ZCCHC24: variants seen among roughly 807,000 people sequenced by gnomAD.
The protein encoded by ZCCHC24 is zinc finger CCHC-type containing 24.
ZCCHC24 carries 10 observed loss-of-function variants against 26.2 expected under a neutral mutation model. The observed-to-expected ratio is 0.38, with a 90% CI of 0.24 to 0.65. The LOEUF is 0.65. Among genes scored for constraint, ZCCHC24 ranks in the 30% least tolerant of loss-of-function variants. The probability of loss-of-function intolerance (pLI) is 0.54; values close to 1 mark genes in which losing one functional copy is unlikely to be tolerated. For synonymous variants in ZCCHC24, 144 were observed against 147.1 expected (o/e 0.98, Z 0.15); for missense variants, 243 against 329.1 (o/e 0.74, Z 2.03).
At chr10:79,427,953 C>T (rs979486084) in intron 2 of ZCCHC24, among the ~76,000 whole-genome samples, 1 of 152,162 alleles carries the variant, frequency 6.6e-6, no homozygotes, top group African/African-American at 2.4e-5. Context: ...AGTATCTTAA[C>T]CTTCCACCTG....
intron 2 of ZCCHC24, among the ~76,000 whole-genome samples, chr10:79,412,703 A>G (rs982258719): frequency 6.6e-6 from 1 of 152,190 alleles, no homozygotes; most frequent in Non-Finnish European, 1.5e-5. Flanking sequence ...CTGAGTACGA[A>G]GTGAAACAGA....
intron 2 of ZCCHC24, among the ~76,000 whole-genome samples, chr10:79,423,344 A>T (rs929352429): frequency 1.3e-5 from 2 of 151,828 alleles, no homozygotes; most frequent in African/African-American, 4.8e-5. Flanking sequence ...TGAGGTCAGG[A>T]GTTTGAGACC....
chr10:79,415,270 G>C lies in ZCCHC24; in HGVS notation c.447+17288C>G, dbSNP rs985211754. On this transcript the variant is annotated intron_variant, in intron 2 of 3. Coordinates refer to ENST00000372336, the MANE Select transcript of ZCCHC24 (RefSeq NM_153367.4). ...GCAATGAAGAGGGGCCCCAGGCACAGGGAATCAGAACCCAGGGCTCCTTGC... is the reference window on the plus strand; with the variant it reads ...GCAATGAAGAGGGGCCCCAGGCACACGGAATCAGAACCCAGGGCTCCTTGC... Among the ~76,000 whole-genome samples, 6 of 152,310 alleles carry C rather than the reference G, an allele frequency of 3.9e-5. No homozygotes were observed. The East Asian group carries it at 1.2e-3, about 29-fold the overall frequency.
intron 1 of ZCCHC24, among the ~76,000 whole-genome samples, chr10:79,439,023 T>C (rs955793343): frequency 2.6e-5 from 4 of 152,230 alleles, no homozygotes; most frequent in Non-Finnish European, 1.5e-5. Flanking sequence ...AGCTAGACTG[T>C]ACTCTGTCTG....
At chr10:79,420,133 C>A (rs1856917718) in intron 2 of ZCCHC24, among the ~76,000 whole-genome samples, 2 of 151,740 alleles carry the variant, frequency 1.3e-5, no homozygotes, top group South Asian at 2.1e-4. Flanking sequence ...TTCCTCTTCC[C>A]TGGGCCATAG....
chr10:79,383,924 G>A lies in ZCCHC24; in HGVS notation c.*2421C>T, dbSNP rs1041107557. ...AGATCGCTAGATCTACCAACTGCAA[G>A]CGATTGTCCCTTTTGAACGTACTAA... is the stretch of plus-strand genomic sequence containing the variant. On this transcript the variant is annotated 3_prime_UTR_variant, in exon 4 of 4. Transcript: ENST00000372336. The A allele has an allele frequency of 2.0e-5, 3 of 152,690 alleles. No individual in the cohort carries two copies. The highest frequency in any genetic ancestry group is 4.4e-5 in the Non-Finnish European group (3 of 68,048). The allele number at this position is 152,690 out of a possible 1,614,324, so 9.5% of individuals were successfully genotyped here. A position where few individuals can be genotyped will look rare whatever the true frequency, so the allele number is the denominator to read the frequency against.
At chr10:79,436,705 T>C (rs113639891) in intron 1 of ZCCHC24, among the ~76,000 whole-genome samples, 4,174 of 152,322 alleles carry the variant, frequency 0.027, 96 homozygotes, top group Non-Finnish European at 0.044. Context: ...GCCTGCCCAA[T>C]TGACAGATAG....
At chr10:79,392,983 C>G (rs550224982) in intron 3 of ZCCHC24, among the ~76,000 whole-genome samples, 19 of 152,326 alleles carry the variant, frequency 1.2e-4, no homozygotes, top group African/African-American at 4.6e-4. Context: ...AAGCCTCCAA[C>G]AGCACTCTCC....
intron 2 of ZCCHC24, among the ~76,000 whole-genome samples, chr10:79,404,783 C>T (rs570400886): frequency 2.6e-5 from 4 of 152,360 alleles, no homozygotes; most frequent in Admixed American, 2.0e-4. Context: ...TGAGATGAAA[C>T]ATGCAAGGCA....
intron 2 of ZCCHC24, among the ~76,000 whole-genome samples, chr10:79,410,954 G>T (rs1165354851): frequency 2.0e-5 from 3 of 152,154 alleles, no homozygotes; most frequent in African/African-American, 4.8e-5. Context: ...GGCTGTGGGG[G>T]CTGAGGCAGG....
At chr10:79,394,530 A>G (rs1475313827) in intron 2 of ZCCHC24, 90 bp from the exon 3 acceptor site, 2 of 1,542,360 alleles carry the variant, frequency 1.3e-6, no homozygotes, top group African/African-American at 2.7e-5. Context: ...CTCAGTCTTC[A>G]TGTCCTGTGT....
chr10:79,402,316 C>T (rs1030155951), intron 2 of ZCCHC24, among the ~76,000 whole-genome samples: 7 of 152,076 alleles, frequency 4.6e-5, no homozygotes, highest in Non-Finnish European at 2.9e-5. Flanking sequence ...CGCTCTGTCA[C>T]CCAGGCTGGA....
chr10:79,428,402 TGCAAGA>T (rs1564639436), intron 2 of ZCCHC24, among the ~76,000 whole-genome samples: 21 of 76,516 alleles, frequency 2.7e-4, no homozygotes, highest in African/African-American at 6.8e-4. Context: ...ATTTCAGTTT[TGCAAGA>T]TAAATTTCAG....
At position 79,382,647 on chromosome 10, in the gene ZCCHC24, C is replaced by T. The variant is rs531067620; in HGVS notation, c.*3698G>A. 2 of 152,994 alleles carry T rather than the reference C, an allele frequency of 1.3e-5. No homozygotes were observed. The highest frequency in any genetic ancestry group is 1.9e-4 in the East Asian group (1 of 5,320). 9.5% of individuals were successfully genotyped at this position (152,994 alleles called of 1,614,324 possible). On this transcript the variant is annotated 3_prime_UTR_variant, in exon 4 of 4. Coordinates refer to ENST00000372336, the MANE Select transcript of ZCCHC24 (RefSeq NM_153367.4). The stretch of plus-strand genomic sequence containing the variant: ...CCCCCAGGGGACCGCTTGGCCATCT[C>T]GCTGAAGGCTGGAACACCCCCATTT...
chr10:79,391,564 A>G (rs1013969192), intron 3 of ZCCHC24, among the ~76,000 whole-genome samples: 3 of 151,938 alleles, frequency 2.0e-5, no homozygotes, highest in African/African-American at 7.3e-5. Flanking sequence ...CTGTCAGCAC[A>G]GACCCCAGCA....
intron 2 of ZCCHC24, among the ~76,000 whole-genome samples, chr10:79,403,887 G>C (rs1733289332): frequency 6.6e-6 from 1 of 152,052 alleles, no homozygotes; most frequent in South Asian, 2.1e-4. Flanking sequence ...GCATGGAGTG[G>C]GGGTGTGGAG....
chr10:79,426,853 A>G (rs1022989833), intron 2 of ZCCHC24, among the ~76,000 whole-genome samples: 4 of 152,240 alleles, frequency 2.6e-5, no homozygotes, highest in Non-Finnish European at 5.9e-5. Flanking sequence ...CAAAAAGAGC[A>G]TTAAATGTGA....
intron 2 of ZCCHC24, among the ~76,000 whole-genome samples, chr10:79,430,344 A>G (rs1162952967): frequency 6.6e-6 from 1 of 152,102 alleles, no homozygotes; most frequent in Admixed American, 6.6e-5. Flanking sequence ...GAAGGCCTCA[A>G]TCAGCTTGAG....
At chr10:79,439,303 T>C (rs551846798) in intron 1 of ZCCHC24, among the ~76,000 whole-genome samples, 1 of 152,222 alleles carries the variant, frequency 6.6e-6, no homozygotes, top group African/African-American at 2.4e-5. Flanking sequence ...AAGGTTTCAC[T>C]ATCTCCCAAG....
Sources: gnomAD v4.1 joint callset for allele counts (sites outside exome capture counted in the v4.1 genomes callset) on GRCh38, gnomAD v4.1.1 for gene constraint, MANE v1.5 for transcripts, NCBI Gene and HGNC (gene_info 2026-07-23, HGNC 2026-07-21) for gene names.